Variants in NCK2 observed in about 807,000 individuals in gnomAD.
The protein encoded by NCK2 is cytoplasmic protein NCK2.
A neutral mutation model predicts 33.9 loss-of-function variants in NCK2; 16 were observed. The ratio of observed to expected loss-of-function variants is 0.47; its 90% confidence interval spans 0.32 to 0.72. The LOEUF is 0.72. NCK2 is among the 30% of genes least tolerant of loss of function. The probability of loss-of-function intolerance (pLI) is 0.03; values close to 1 mark genes in which losing one functional copy is unlikely to be tolerated. For missense variants in NCK2, 418 were observed against 537.3 expected (o/e 0.78, Z 2.19); for synonymous variants, 273 against 239.9 (o/e 1.14, Z -1.27).
chr2:105,789,302 C>T (rs146828402), intron 1 of NCK2, among the ~76,000 whole-genome samples: 6,864 of 152,258 alleles, frequency 0.045, 208 homozygotes, highest in South Asian at 0.12. Context: ...ATTCTCCTGC[C>T]TCAGCCTCCT....
chr2:105,808,819 G>A (rs1201689685), intron 1 of NCK2, among the ~76,000 whole-genome samples: 2 of 152,206 alleles, frequency 1.3e-5, no homozygotes, highest in Non-Finnish European at 2.9e-5. Flanking sequence ...TTAAGGAATT[G>A]GTAATGATGT....
At chr2:105,762,667 C>T (rs1472085231) in intron 1 of NCK2, among the ~76,000 whole-genome samples, 1 of 152,218 alleles carries the variant, frequency 6.6e-6, no homozygotes, top group African/African-American at 2.4e-5. Flanking sequence ...ATAGCATTTA[C>T]AGTCATCAGA....
intron 2 of NCK2, among the ~76,000 whole-genome samples, chr2:105,819,013 G>A (rs763877585): frequency 3.9e-5 from 6 of 152,166 alleles, no homozygotes; most frequent in Admixed American, 6.5e-5. Flanking sequence ...TGTTCTCGTC[G>A]TGTTACGCTT....
Position 105,893,151 on chromosome 2 carries a change from T to C in NCK2, c.1118T>C (p.Leu373Pro). The change falls in exon 5 of 5, where the codon CTC becomes CCC. Residue 373 changes from leucine (L) to proline (P), a missense_variant. Transcript: ENST00000233154. ...PIFTSEHGEK[L>P]YLVRALQ ...TTCACCAGCGAGCACGGGGAGAAGC[T>C]CTACCTCGTCAGGGCCCTGCAGTGA... 1 of 1,607,218 alleles carries C rather than the reference T, an allele frequency of 6.2e-7. No homozygotes were observed. Among genetic ancestry groups the C allele is most frequent in the Non-Finnish European group, 8.5e-7 (1 of 1,176,758 alleles).
At position 105,794,816 on chromosome 2, in the gene NCK2, T is replaced by C. The variant is rs1221186136; in HGVS notation, c.-200-21614T>C. Among the ~76,000 whole-genome samples, 3 of 152,248 alleles carry C rather than the reference T, an allele frequency of 2.0e-5. No individual in the cohort carries two copies. The East Asian group carries it at 5.8e-4, about 29-fold the overall frequency. ...ACCTCCATCTCCTGGGTTCAAGCGA[T>C]TCTCCTGCCTCAGCCTCCCGAATAG... On this transcript the variant is annotated intron_variant, in intron 1 of 4. Transcript: ENST00000233154.
At chr2:105,849,422 G>A (rs1676976333) in intron 2 of NCK2, among the ~76,000 whole-genome samples, 1 of 152,186 alleles carries the variant, frequency 6.6e-6, no homozygotes, top group Non-Finnish European at 1.5e-5. Context: ...GAAGACTCTG[G>A]TCTTCTCTGT....
chr2:105,844,573 A>G, intron 2 of NCK2, among the ~76,000 whole-genome samples: 1 of 126,610 alleles, frequency 7.9e-6, no homozygotes, highest in Admixed American at 9.1e-5. Context: ...GTAGAAAAAA[A>G]CAAAAAAAAA....
intron 1 of NCK2, among the ~76,000 whole-genome samples, chr2:105,786,195 C>T (rs1690675709): frequency 6.6e-6 from 1 of 152,344 alleles, no homozygotes; most frequent in Admixed American, 6.5e-5. Context: ...TACAAACAAT[C>T]CCAGCACCAG....
chr2:105,819,326 TAAAA>T (rs35497405), intron 2 of NCK2, among the ~76,000 whole-genome samples: 8 of 136,030 alleles, frequency 5.9e-5, no homozygotes, highest in South Asian at 2.3e-4. Flanking sequence ...CCGTTTTCTT[TAAAA>T]AAAAAAAAAA....
intron 1 of NCK2, among the ~76,000 whole-genome samples, chr2:105,773,393 A>G (rs1690199789): frequency 6.6e-6 from 1 of 151,688 alleles, no homozygotes; most frequent in African/African-American, 2.4e-5. Flanking sequence ...CAGTCCATGC[A>G]CCTTTGCTCA....
At chr2:105,888,228 G>C (rs1678796556) in intron 4 of NCK2, among the ~76,000 whole-genome samples, 1 of 152,156 alleles carries the variant, frequency 6.6e-6, no homozygotes, top group African/African-American at 2.4e-5. Context: ...TGTACTAATT[G>C]TTCATTCTCC....
chr2:105,836,470 A>G (rs1018410833), intron 2 of NCK2, among the ~76,000 whole-genome samples: 5 of 152,132 alleles, frequency 3.3e-5, no homozygotes, highest in Non-Finnish European at 7.4e-5. Context: ...AAACAAGGAC[A>G]GTGGGTGGGC....
intron 1 of NCK2, among the ~76,000 whole-genome samples, chr2:105,808,280 A>G (rs1422992932): frequency 6.6e-6 from 1 of 152,226 alleles, no homozygotes; most frequent in Non-Finnish European, 1.5e-5. Context: ...AAATTTTCAT[A>G]TACCTTATTC....
intron 1 of NCK2, among the ~76,000 whole-genome samples, chr2:105,787,280 C>G (rs562893234): frequency 7.9e-5 from 12 of 152,232 alleles, no homozygotes; most frequent in Non-Finnish European, 1.6e-4. Context: ...TGGGCTGAGT[C>G]TTCCACCTGC....
intron 2 of NCK2, among the ~76,000 whole-genome samples, chr2:105,823,558 A>C (rs1006149378): frequency 6.6e-6 from 1 of 152,010 alleles, no homozygotes; most frequent in Non-Finnish European, 1.5e-5. Context: ...ATGATGAATA[A>C]ATCAGATCAT....
chr2:105,866,745 G>A (rs935004401), intron 3 of NCK2, among the ~76,000 whole-genome samples: 4 of 151,480 alleles, frequency 2.6e-5, no homozygotes, highest in Non-Finnish European at 4.4e-5. Flanking sequence ...CTGTGGCCCC[G>A]GGGGGTTGGG....
At chr2:105,861,903 T>TCCTCCCTCCCTCCCTCCCTCCCTC (rs148839655) in intron 3 of NCK2, among the ~76,000 whole-genome samples, 2 of 114,792 alleles carry the variant, frequency 1.7e-5, no homozygotes, top group African/African-American at 4.1e-5. Flanking sequence ...TGGAATTCTT[T>TCCTCCCTCCCTCCCTCCCTCCCTC]CCTCCCTCCC....
chr2:105,892,761 G>A (rs1315457042), intron 4 of NCK2, among the ~76,000 whole-genome samples: 1 of 151,436 alleles, frequency 6.6e-6, no homozygotes, highest in Non-Finnish European at 1.5e-5. Flanking sequence ...CAGGAGAATC[G>A]CTTGAACCCG....
chr2:105,862,560 G>A (rs1168074081), intron 3 of NCK2, among the ~76,000 whole-genome samples: 1 of 152,126 alleles, frequency 6.6e-6, no homozygotes, highest in Non-Finnish European at 1.5e-5. Flanking sequence ...TGTACGTTTG[G>A]GGGGACTCTG....
Sources: allele counts gnomAD v4.1 joint callset (sites outside exome capture counted in the v4.1 genomes callset), GRCh38; gene constraint gnomAD v4.1.1; transcripts MANE v1.5; gene names NCBI Gene and HGNC (gene_info 2026-07-23, HGNC 2026-07-21).